The following UBASH3B variants were observed in gnomAD, a reference collection of about 807,000 sequenced individuals.
The protein encoded by UBASH3B is ubiquitin associated and SH3 domain containing B.
In UBASH3B, 37 loss-of-function variants were observed where a neutral mutation model predicts 83.4. That is an observed-to-expected ratio of 0.44 (90% confidence interval 0.34 to 0.58). The LOEUF (loss-of-function observed/expected upper bound fraction) is 0.58. Ranked by LOEUF, UBASH3B falls within the 20% of genes least tolerant of loss-of-function variation. UBASH3B has a pLI of 0.01. For missense variants in UBASH3B, 657 were observed against 827.2 expected (o/e 0.79, Z 2.52); for synonymous variants, 304 against 318.3 (o/e 0.96, Z 0.48).
chr11:122,807,058 CT>C (rs1170032090), intron 12 of UBASH3B, among the ~76,000 whole-genome samples: 1 of 152,184 alleles, frequency 6.6e-6, no homozygotes, highest in Non-Finnish European at 1.5e-5. Flanking sequence ...CCCTTCATCT[CT>C]TTTTTTAAGT....
At chr11:122,683,257 G>T (rs1310724484) in intron 1 of UBASH3B, among the ~76,000 whole-genome samples, 2 of 132,400 alleles carry the variant, frequency 1.5e-5, no homozygotes, top group East Asian at 2.2e-4. Flanking sequence ...AAAAAAAAAA[G>T]TCTTAGATGT....
intron 1 of UBASH3B, among the ~76,000 whole-genome samples, chr11:122,723,026 C>T (rs1176270820): frequency 6.6e-6 from 1 of 152,168 alleles, no homozygotes; most frequent in African/African-American, 2.4e-5. Context: ...TTTCTTTCGC[C>T]ATGGGGCTAT....
chr11:122,810,036 CTG>C lies in UBASH3B; in HGVS notation c.*154_*155del, dbSNP rs1861413010. On this transcript the variant is annotated 3_prime_UTR_variant, in exon 14 of 14. Coordinates refer to ENST00000284273, the MANE Select transcript of UBASH3B (RefSeq NM_032873.5). ...CACACTTAAAGTTCTTAAGATGAGA[CTG>C]TGTAAATGAGAGAAAGACTTGATTC... is the stretch of plus-strand genomic sequence containing the variant. 1 of 936,504 alleles carries C rather than the reference CTG, an allele frequency of 1.1e-6. No individual in the cohort carries two copies. The allele number at this position is 936,504 out of a possible 1,614,324, so 58.0% of individuals were successfully genotyped here.
chr11:122,776,859 T>C (rs1237384043), intron 2 of UBASH3B, among the ~76,000 whole-genome samples, 165 bp from the exon 3 acceptor site: 1 of 152,208 alleles, frequency 6.6e-6, no homozygotes, highest in East Asian at 1.9e-4. Flanking sequence ...GAATTGGTTA[T>C]GAAGTGTGAG....
intron 1 of UBASH3B, among the ~76,000 whole-genome samples, chr11:122,690,083 T>G (rs896523290): frequency 6.7e-6 from 1 of 149,584 alleles, no homozygotes; most frequent in Non-Finnish European, 1.5e-5. Context: ...AGAGGCCTGC[T>G]TTGGAAGATT....
At chr11:122,768,468 GTATGTGTGTGT>G (rs1565557564) in intron 1 of UBASH3B, among the ~76,000 whole-genome samples, 2 of 132,546 alleles carry the variant, frequency 1.5e-5, no homozygotes, top group African/African-American at 6.4e-5. Context: ...AGATATATAT[GTATGTGTGTGT>G]GTGTGTGTGT....
At chr11:122,690,723 C>A (rs537978506) in intron 1 of UBASH3B, among the ~76,000 whole-genome samples, 2 of 152,162 alleles carry the variant, frequency 1.3e-5, no homozygotes, top group African/African-American at 2.4e-5. Context: ...CCAAAACTCA[C>A]GCTTGTTGCC....
At chr11:122,712,082 A>C (rs968463559) in intron 1 of UBASH3B, among the ~76,000 whole-genome samples, 2 of 150,908 alleles carry the variant, frequency 1.3e-5, no homozygotes, top group Non-Finnish European at 2.9e-5. Flanking sequence ...CAAGTAATTC[A>C]GGGCACTAGG....
chr11:122,701,377 G>A (rs1055972996), intron 1 of UBASH3B, among the ~76,000 whole-genome samples: 19 of 152,184 alleles, frequency 1.2e-4, no homozygotes, highest in Admixed American at 2.0e-4. Flanking sequence ...AAATTACATA[G>A]CATGGAAATA....
intron 1 of UBASH3B, among the ~76,000 whole-genome samples, chr11:122,726,579 C>T (rs892285574): frequency 6.6e-5 from 10 of 152,248 alleles, no homozygotes; most frequent in Admixed American, 6.5e-5. Flanking sequence ...GCACTCCTGA[C>T]CTCAAGTGAT....
chr11:122,783,327 C>G, intron 5 of UBASH3B, 105 bp downstream of exon 5: 1 of 1,339,234 alleles, frequency 7.5e-7, no homozygotes, highest in Non-Finnish European at 1.0e-6. Context: ...AAAAATGGAG[C>G]AAGCACCTAA....
intron 1 of UBASH3B, among the ~76,000 whole-genome samples, chr11:122,682,907 T>A (rs1863760265): frequency 6.6e-6 from 1 of 152,224 alleles, no homozygotes; most frequent in African/African-American, 2.4e-5. Context: ...TTGATCCTGT[T>A]TCATCAATAC....
intron 7 of UBASH3B, 43 bp downstream of exon 7, chr11:122,794,877 AT>A: frequency 6.2e-7 from 1 of 1,609,276 alleles, no homozygotes; most frequent in African/African-American, 1.3e-5. Context: ...TCTAACCAGG[AT>A]TCACTGAGAA....
chr11:122,791,784 G>A (rs1164192600), intron 6 of UBASH3B, among the ~76,000 whole-genome samples: 3 of 152,186 alleles, frequency 2.0e-5, no homozygotes, highest in Non-Finnish European at 4.4e-5. Flanking sequence ...CAATGATTTT[G>A]ACAACACTCC....
intron 1 of UBASH3B, among the ~76,000 whole-genome samples, chr11:122,668,366 A>C (rs192685786): frequency 8.4e-4 from 128 of 152,212 alleles, no homozygotes; most frequent in African/African-American, 2.8e-3. Flanking sequence ...GCCTTTTCAT[A>C]TGGTTTTCTC....
chr11:122,705,984 G>A (rs931594255), intron 1 of UBASH3B, among the ~76,000 whole-genome samples: 4 of 152,070 alleles, frequency 2.6e-5, no homozygotes, highest in African/African-American at 9.7e-5. Flanking sequence ...CACAAGTGGG[G>A]GCTGCCTGGG....
At chr11:122,674,436 A>T (rs1591763252) in intron 1 of UBASH3B, among the ~76,000 whole-genome samples, 1 of 144,616 alleles carries the variant, frequency 6.9e-6, no homozygotes, top group South Asian at 2.1e-4. Flanking sequence ...GCTGGAGTGC[A>T]GCGGCGCGAT....
intron 1 of UBASH3B, among the ~76,000 whole-genome samples, chr11:122,709,877 C>A (rs890429177): frequency 6.6e-6 from 1 of 152,114 alleles, no homozygotes; most frequent in African/African-American, 2.4e-5. Context: ...ATTCTCGAGG[C>A]CAGGGGCTGT....
intron 1 of UBASH3B, among the ~76,000 whole-genome samples, chr11:122,716,220 G>A (rs1158359357): frequency 6.6e-6 from 1 of 152,222 alleles, no homozygotes; most frequent in African/African-American, 2.4e-5. Flanking sequence ...TGCCCAGACT[G>A]GAGTGCAGTG....
Sources: gnomAD v4.1 joint callset for allele counts (sites outside exome capture counted in the v4.1 genomes callset) on GRCh38, gnomAD v4.1.1 for gene constraint, MANE v1.5 for transcripts, NCBI Gene and HGNC (gene_info 2026-07-23, HGNC 2026-07-21) for gene names.